The following ZNF236 variants were observed in gnomAD, a reference collection of about 807,000 sequenced individuals.
ZNF236 encodes zinc finger protein 236.
ZNF236 carries 50 observed loss-of-function variants against 191.2 expected under a neutral mutation model. The ratio of observed to expected loss-of-function variants is 0.26; its 90% CI spans 0.21 to 0.33. ZNF236 has a LOEUF of 0.33. Among genes scored for constraint, ZNF236 ranks in the 10% least tolerant of loss-of-function variants. The pLI is 1.00. For synonymous variants in ZNF236, 907 were observed against 928.8 expected (o/e 0.98, Z 0.43); for missense variants, 1,754 against 2,374.5 (o/e 0.74, Z 5.43).
At chr18:76,893,437 TTTG>T (rs2122697730) in intron 9 of ZNF236, among the ~76,000 whole-genome samples, 1 of 152,374 alleles carries the variant, frequency 6.6e-6, no homozygotes, top group East Asian at 1.9e-4. Flanking sequence ...TGTACCTTTC[TTTG>T]TTTTTATTTA....
chr18:76,895,062 C>T lies in ZNF236; in HGVS notation c.1467C>T (p.Cys489=), dbSNP rs1293239248. The T allele has an allele frequency of 9.3e-6, 15 of 1,611,590 alleles. No individual in the cohort carries two copies. Among genetic ancestry groups the T allele is most frequent in the Admixed American group, 1.7e-5 (1 of 60,008 alleles). The change falls in exon 10 of 31, where the codon TGC becomes TGT. Residue 489 remains cysteine (C), a synonymous_variant. Coordinates refer to ENST00000320610, the MANE Select transcript of ZNF236 (RefSeq NM_001306089.2). The part of the protein sequence containing the change: ...NGVRWHVCPY[C]AKEFRKPSDL... ...TGCGCTGGCATGTGTGTCCCTACTG[C>T]GCCAAGGAGTTCCGCAAGCCCAGCG...
intron 9 of ZNF236, among the ~76,000 whole-genome samples, chr18:76,892,587 GA>G (rs1309586782): frequency 6.6e-6 from 1 of 151,896 alleles, no homozygotes; most frequent in Non-Finnish European, 1.5e-5. Flanking sequence ...AACTTATTGA[GA>G]TGGAATTTCG....
intron 1 of ZNF236, among the ~76,000 whole-genome samples, chr18:76,846,214 A>G (rs1975675982): frequency 6.6e-6 from 1 of 151,338 alleles, no homozygotes; most frequent in African/African-American, 2.4e-5. Context: ...CACCTTCCAA[A>G]GTGCTGGCAT....
At chr18:76,903,213 C>G (rs1378526186) in intron 11 of ZNF236, among the ~76,000 whole-genome samples, 1 of 152,190 alleles carries the variant, frequency 6.6e-6, no homozygotes, top group African/African-American at 2.4e-5. Context: ...GTAATTGTTT[C>G]ACTGCTATTT....
Position 76,923,075 on chromosome 18 carries a change from G to C in ZNF236, c.3562G>C (p.Val1188Leu). 6.2e-7 allele frequency: 1 copy of C among 1,611,914 alleles called. No individual in the cohort carries two copies. Among genetic ancestry groups the C allele is most frequent in the East Asian group, 2.2e-5 (1 of 44,830 alleles). The change falls in exon 21 of 31, where the codon GTT (valine) becomes CTT (leucine). Residue 1188 changes from valine (V) to leucine (L), a missense_variant. Coordinates refer to ENST00000320610, the MANE Select transcript of ZNF236 (RefSeq NM_001306089.2). ...TAATTAATGCTTTTTGGATAGGCAT[G>C]TTCGAATCCATACTGGAGAAAAGCC... ...FKKPSDLVRH[V>L]RIHTGEKPYK...
chr18:76,969,095 C>A lies in ZNF236; in HGVS notation c.*756C>A. ...GTCCAGGGTTACATAATTGCAGAAG[C>A]ACAAGCCATACATCGCAGGTAGGAA... On this transcript the variant is annotated 3_prime_UTR_variant, in exon 31 of 31. Coordinates refer to ENST00000320610, the MANE Select transcript of ZNF236 (RefSeq NM_001306089.2). The A allele has an allele frequency of 1.7e-6, 1 of 604,494 alleles. No homozygotes were observed. Among genetic ancestry groups the A allele is most frequent in the Non-Finnish European group, 2.1e-6 (1 of 481,322 alleles). The allele number at this position is 604,494 out of a possible 1,614,324, so 37.4% of individuals were successfully genotyped here.
At chr18:76,938,799 C>A (rs1314310769) in intron 26 of ZNF236, among the ~76,000 whole-genome samples, 1 of 152,154 alleles carries the variant, frequency 6.6e-6, no homozygotes, top group African/African-American at 2.4e-5. Context: ...AGCCAAGCAG[C>A]CCTGCCTACG....
rs1967237902 is a variant in ZNF236 at position 76,912,332 on chromosome 18, G to A, written c.2894G>A (p.Ser965Asn). 1 of 1,614,052 alleles carries A rather than the reference G, an allele frequency of 6.2e-7. No homozygotes were observed. ...SQFLEDNEDQSRRSYRCDYCN... is the reference protein window; with the variant it reads ...SQFLEDNEDQNRRSYRCDYCN... ...TTTCTGGAGGACAACGAGGACCAGA[G>A]CAGGCGCTCTTACAGGTAGTTGTCT... Residue 965 changes from serine (S) to asparagine (N), a missense_variant, in exon 17 of 31, where the codon AGC (serine) becomes AAC (asparagine). Ser to Asn is a conservative substitution (Grantham distance 46). Transcript: ENST00000320610.
chr18:76,879,821 A>G lies in ZNF236; in HGVS notation c.985-292A>G, dbSNP rs948165756. On this transcript the variant is annotated intron_variant, in intron 7 of 30. Coordinates refer to ENST00000320610, the MANE Select transcript of ZNF236 (RefSeq NM_001306089.2). ...TTAAAAATTCCTTCACTTCAATTTT[A>G]TGGGCTAACAGGAAGGTGAGGGTTC... is the stretch of plus-strand genomic sequence containing the variant. 3.9e-5 allele frequency among the ~76,000 whole-genome samples: 6 copies of G among 152,226 alleles called. No homozygotes were observed. In the East Asian group the frequency reaches 9.7e-4, roughly 25 times the overall value.
chr18:76,889,360 A>G lies in ZNF236; in HGVS notation c.1418-5653A>G, dbSNP rs567387396. Among the ~76,000 whole-genome samples the G allele has an allele frequency of 1.2e-4, 18 of 152,296 alleles. 1 individual carries two copies. Among genetic ancestry groups the G allele is most frequent in the Admixed American group, 1.1e-3 (17 of 15,298 alleles). On this transcript the variant is annotated intron_variant, in intron 9 of 30. Coordinates refer to ENST00000320610, the MANE Select transcript of ZNF236 (RefSeq NM_001306089.2). Reference sequence around the variant, plus strand: ...CCATACATGCTTGGTTACGCCATACATGCTTGGTTACACTGCCCTACCCGC... The same window carrying G: ...CCATACATGCTTGGTTACGCCATACGTGCTTGGTTACACTGCCCTACCCGC...
rs774246931 is a variant in ZNF236, at chr18:76,915,666, C to T, written c.3081C>T (p.Cys1027=). 4 of 1,613,992 alleles carry T rather than the reference C, an allele frequency of 2.5e-6. No individual in the cohort carries two copies. The East Asian group carries it at 6.7e-5, about 27-fold the overall frequency. ...TTGCAGGAGTGAAGGCGTTCAGCTG[C>T]AGTGTGTGCAATGCTTCCTTCACCA... is the stretch of plus-strand genomic sequence containing the variant. ...KTHTGVKAFS[C]SVCNASFTTN... The change falls in exon 19 of 31, where the codon TGC becomes TGT. Residue 1027 remains cysteine (C), a synonymous_variant. Coordinates refer to ENST00000320610, the MANE Select transcript of ZNF236 (RefSeq NM_001306089.2).
Position 76,890,968 on chromosome 18 carries a change from T to G in ZNF236, c.1418-4045T>G, listed in dbSNP as rs77590351. Among the ~76,000 whole-genome samples, 734 of 152,296 alleles carry G rather than the reference T, an allele frequency of 4.8e-3. 4 individuals carry two copies. Among genetic ancestry groups the G allele is most frequent in the Non-Finnish European group, 8.3e-3 (563 of 68,026 alleles). ...TCCACTTAATGAATAGGAGATATAT[T>G]TTCTCTTCTTTATGCTTTTCTTAAT... On this transcript the variant is annotated intron_variant, in intron 9 of 30. Coordinates refer to ENST00000320610, the MANE Select transcript of ZNF236 (RefSeq NM_001306089.2).
intron 26 of ZNF236, among the ~76,000 whole-genome samples, chr18:76,945,894 T>C (rs1295426861): frequency 6.6e-6 from 1 of 152,230 alleles, no homozygotes; most frequent in African/African-American, 2.4e-5. Context: ...AAGCTGCATA[T>C]GGGAAGTAAG....
At chr18:76,866,407 G>C (rs1242150594) in intron 3 of ZNF236, among the ~76,000 whole-genome samples, 1 of 152,178 alleles carries the variant, frequency 6.6e-6, no homozygotes, top group Non-Finnish European at 1.5e-5. Context: ...GGCCAGGACA[G>C]GAGACAGGAT....
chr18:76,907,584 C>A (rs1243289005), intron 13 of ZNF236, among the ~76,000 whole-genome samples: 1 of 152,234 alleles, frequency 6.6e-6, no homozygotes, highest in Non-Finnish European at 1.5e-5. Context: ...CAGCCTTGGC[C>A]TCCCAAAGTG....
rs1349604724 is a variant in ZNF236, at chr18:76,968,871, A to C, written c.*532A>C. On this transcript the variant is annotated 3_prime_UTR_variant, in exon 31 of 31. Transcript: ENST00000320610. Reference sequence around the variant, plus strand: ...AAATTAGTCAAAATGGACTCTTTTCAGTCTACCATAAGTTAATATAACTGA... The same window carrying C: ...AAATTAGTCAAAATGGACTCTTTTCCGTCTACCATAAGTTAATATAACTGA... The C allele has an allele frequency of 1.0e-6, 1 of 987,214 alleles. No individual in the cohort carries two copies. Among genetic ancestry groups the C allele is most frequent in the African/African-American group, 1.7e-5 (1 of 57,258 alleles). 61.2% of individuals were successfully genotyped at this position (987,214 alleles called of 1,614,324 possible). A position where few individuals can be genotyped will look rare whatever the true frequency, so the allele number is the denominator to read the frequency against.
intron 21 of ZNF236, among the ~76,000 whole-genome samples, 187 bp downstream of exon 21, chr18:76,923,361 T>C (rs1202182936): frequency 1.3e-5 from 2 of 151,980 alleles, no homozygotes; most frequent in Non-Finnish European, 2.9e-5. Context: ...CAAATGACAC[T>C]AAGAAAAAAA....
intron 1 of ZNF236, among the ~76,000 whole-genome samples, chr18:76,837,424 T>C (rs1975366432): frequency 6.9e-6 from 1 of 144,974 alleles, no homozygotes; most frequent in Non-Finnish European, 1.5e-5. Context: ...TTCCTTTTTT[T>C]CTTTTTCTTT....
In ZNF236 at chr18:76,972,890, A is replaced by T. The variant is rs1968928500; in HGVS notation, c.*4551A>T. ...TAAAAATAATAAAAATAGTTTTTGT[A>T]TTATTTTAAAACTCCTGTATATTTA... On this transcript the variant is annotated 3_prime_UTR_variant, in exon 31 of 31. Transcript: ENST00000320610. 6.6e-6 allele frequency among the ~76,000 whole-genome samples: 1 copy of T among 152,198 alleles called. No homozygotes were observed. Among genetic ancestry groups the T allele is most frequent in the Admixed American group, 6.5e-5 (1 of 15,292 alleles).
Sources: allele counts gnomAD v4.1 joint callset (sites outside exome capture counted in the v4.1 genomes callset), GRCh38; gene constraint gnomAD v4.1.1; transcripts MANE v1.5; gene names NCBI Gene and HGNC (gene_info 2026-07-23, HGNC 2026-07-21).